Variants in MYOM3 observed in about 807,000 individuals in gnomAD.
MYOM3 encodes the protein myomesin-3.
MYOM3 carries 155 observed loss-of-function variants against 191.7 expected under a neutral mutation model. The observed-to-expected ratio is 0.81, with a 90% CI of 0.71 to 0.92. The LOEUF is 0.92. Among genes scored for constraint, MYOM3 ranks in the 40% least tolerant of loss-of-function variants. The pLI, the probability that MYOM3 is intolerant of heterozygous loss-of-function variation, is 0.00. For synonymous variants in MYOM3, 757 were observed against 762.9 expected (o/e 0.99, Z 0.13); for missense variants, 1,889 against 1,890.6 (o/e 1.00, Z 0.02).
intron 5 of MYOM3, among the ~76,000 whole-genome samples, chr1:24,105,622 G>A (rs535172924): frequency 1.3e-5 from 2 of 152,366 alleles, no homozygotes; most frequent in Admixed American, 1.3e-4. Flanking sequence ...AGCTGGGCGT[G>A]GTGGCTTGTG....
Position 24,063,720 on chromosome 1 carries a change from GA to G in MYOM3, c.3623-191del, listed in dbSNP as rs367859499. Among the ~76,000 whole-genome samples, 723 of 152,268 alleles carry G rather than the reference GA, an allele frequency of 4.7e-3. 6 individuals are homozygous for G. Among genetic ancestry groups the G allele is most frequent in the African/African-American group, 0.016 (646 of 41,540 alleles). ...AGGGCACTCAGCAATGGGGTGGGCA[GA>G]AGGGCACTATGGATGGAGGACAAAC... On this transcript the variant is annotated intron_variant, in intron 30 of 36. Coordinates refer to ENST00000374434, the MANE Select transcript of MYOM3 (RefSeq NM_152372.4). This position sits in a 1 kb window ranked among gnomAD's most constrained non-coding sequence, Gnocchi z 4.5.
intron 5 of MYOM3, among the ~76,000 whole-genome samples, chr1:24,099,984 T>A (rs1292470184): frequency 1.3e-5 from 2 of 152,154 alleles, no homozygotes; most frequent in Non-Finnish European, 2.9e-5. Context: ...TCTCCCTGCC[T>A]CAGCCTCCTG....
At chr1:24,065,644 C>G in intron 29 of MYOM3, 1 of 557,974 alleles carries the variant, frequency 1.8e-6, no homozygotes, top group Non-Finnish European at 3.2e-6. Flanking sequence ...AATACTGATT[C>G]TGTCTCTATT....
intron 27 of MYOM3, among the ~76,000 whole-genome samples, chr1:24,067,570 T>C (rs754686485): frequency 1.3e-5 from 2 of 151,730 alleles, no homozygotes; most frequent in African/African-American, 2.4e-5. Context: ...TCAAGGATTC[T>C]TGTGGCTCAG....
rs570646914 is a variant in MYOM3 at position 24,063,028 on chromosome 1, C to A, written c.3770+98G>T. On this transcript the variant is annotated intron_variant, in intron 32 of 36. Coordinates refer to ENST00000374434, the MANE Select transcript of MYOM3 (RefSeq NM_152372.4). This position sits in a 1 kb window ranked among gnomAD's most constrained non-coding sequence, Gnocchi z 4.5. ...TCTGCTTGGGGGACCAGAAACTCTG[C>A]TTGGAGGACCAGGCAGGGAGAAGGG... 80 of 774,876 alleles carry A rather than the reference C, an allele frequency of 1.0e-4. No individual in the cohort carries two copies. Among genetic ancestry groups the A allele is most frequent in the African/African-American group, 7.5e-4 (44 of 59,016 alleles). 48.0% of individuals were successfully genotyped at this position (774,876 alleles called of 1,614,324 possible).
intron 1 of MYOM3, among the ~76,000 whole-genome samples, chr1:24,109,448 A>ACAGG (rs1644021190): frequency 6.6e-6 from 1 of 152,214 alleles, no homozygotes; most frequent in Admixed American, 6.5e-5. Flanking sequence ...CAGAAAGACT[A>ACAGG]CAGGCCACCT....
chr1:24,060,985 A>G (rs1643362957), intron 35 of MYOM3, 75 bp downstream of exon 35: 1 of 1,572,546 alleles, frequency 6.4e-7, no homozygotes, highest in Non-Finnish European at 8.7e-7. Context: ...TCAGCAGCCC[A>G]CCAAGAGGGT....
intron 1 of MYOM3, among the ~76,000 whole-genome samples, chr1:24,109,820 T>C (rs1466469570): frequency 1.3e-5 from 2 of 152,228 alleles, no homozygotes; most frequent in African/African-American, 4.8e-5. Context: ...CTCTATGTCA[T>C]ATGTCCATTC....
chr1:24,061,344 G>T, intron 33 of MYOM3, 35 bp from the exon 34 acceptor site: 1 of 1,609,906 alleles, frequency 6.2e-7, no homozygotes, highest in South Asian at 1.1e-5. Context: ...GGGGCCATCA[G>T]GGCCTCTGCT....
rs186310602 is a variant in MYOM3, at chr1:24,089,360, T to C, written c.1614+178A>G. Among the ~76,000 whole-genome samples the C allele has an allele frequency of 4.4e-3, 666 of 152,308 alleles. 3 individuals are homozygous for C. The highest frequency in any genetic ancestry group is 0.015 in the African/African-American group (631 of 41,552). On this transcript the variant is annotated intron_variant, in intron 14 of 36. Transcript: ENST00000374434. Reference sequence around the variant, plus strand: ...AGTGACTGGCTTCCAGGGCTAGAGGTAGCTGCAAAAGGCTATTCAATCCAT... The same window carrying C: ...AGTGACTGGCTTCCAGGGCTAGAGGCAGCTGCAAAAGGCTATTCAATCCAT...
chr1:24,061,162 T>C, intron 34 of MYOM3, 80 bp from the exon 35 acceptor site: 2 of 1,608,420 alleles, frequency 1.2e-6, no homozygotes, highest in Non-Finnish European at 1.7e-6. Flanking sequence ...TGAGGGGTGA[T>C]GAAGGAAAGG....
intron 22 of MYOM3, 114 bp from the exon 23 acceptor site, chr1:24,074,383 C>G (rs1213782769): frequency 1.4e-6 from 1 of 709,412 alleles, no homozygotes; most frequent in African/African-American, 1.8e-5. Flanking sequence ...CCCAAGCAGA[C>G]CCTGGCCAAG....
At position 24,089,533 on chromosome 1, in the gene MYOM3, C is replaced by T; in HGVS notation, c.1614+5G>A. On this transcript the variant is annotated splice_donor_5th_base_variant and intron_variant, in intron 14 of 36. Transcript: ENST00000374434. Reference sequence around the variant, plus strand: ...GCCTGGGGCTGGGGCCTCGGGGTTCCCTACCTTCTCCAGGGAGTACGTCAG... The same window carrying T: ...GCCTGGGGCTGGGGCCTCGGGGTTCTCTACCTTCTCCAGGGAGTACGTCAG... 5 of 1,596,402 alleles carry T rather than the reference C, an allele frequency of 3.1e-6. No individual in the cohort carries two copies. Among genetic ancestry groups the T allele is most frequent in the Non-Finnish European group, 4.3e-6 (5 of 1,171,606 alleles).
chr1:24,090,127 A>T lies in MYOM3; in HGVS notation c.1433-9T>A. On this transcript the variant is annotated splice_polypyrimidine_tract_variant and intron_variant, in intron 12 of 36. Transcript: ENST00000374434. ...CAGATCAAAGGGGATCTCTAGGATGAGAAGGGAGCATGGGAGGGTGGGGGG... is the reference window on the plus strand; with the variant it reads ...CAGATCAAAGGGGATCTCTAGGATGTGAAGGGAGCATGGGAGGGTGGGGGG... 6.3e-7 allele frequency: 1 copy of T among 1,597,006 alleles called. No homozygotes were observed. Among genetic ancestry groups the T allele is most frequent in the Non-Finnish European group, 8.6e-7 (1 of 1,164,408 alleles).
intron 18 of MYOM3, 52 bp from the exon 19 acceptor site, chr1:24,081,508 G>C (rs374469494): frequency 6.3e-7 from 1 of 1,598,344 alleles, no homozygotes; most frequent in Non-Finnish European, 8.6e-7. Context: ...GAGGGATGGG[G>C]AACAGAAGCA....
rs376174019 is a variant in MYOM3 at position 24,076,154 on chromosome 1, C to T, written c.2701+5G>A. The T allele has an allele frequency of 3.7e-6, 6 of 1,612,638 alleles. No homozygotes were observed. Among genetic ancestry groups the T allele is most frequent in the Non-Finnish European group, 5.1e-6 (6 of 1,178,620 alleles). ...CAGAGCTCTGGCCTCTCCGGCCACC[C>T]CTACCTGGCTTGTCCTCCAGGAGCA... is the stretch of plus-strand genomic sequence containing the variant. On this transcript the variant is annotated splice_donor_5th_base_variant and intron_variant, in intron 21 of 36. Transcript: ENST00000374434.
intron 10 of MYOM3, 98 bp downstream of exon 10, chr1:24,092,849 A>C: frequency 3.2e-6 from 4 of 1,235,914 alleles, no homozygotes; most frequent in Non-Finnish European, 4.3e-6. Context: ...TGAGGCCCCA[A>C]GAGAGCAGGG....
Position 24,089,662 on chromosome 1 carries a change from G to T in MYOM3, c.1490C>A (p.Thr497Asn), listed in dbSNP as rs754423265. Residue 497 changes from threonine to asparagine, a missense_variant, in exon 14 of 37, where the codon ACT (threonine) becomes AAT (asparagine). Thr to Asn is a moderately conservative substitution (Grantham distance 65, BLOSUM62 0). Coordinates refer to ENST00000374434, the MANE Select transcript of MYOM3 (RefSeq NM_152372.4). ...ITISTDAFED[T>N]VTIPSPPTNV... ...GGTTGGCGGTGAGGGGATGGTCACA[G>T]TATCTGAAATCAGAGTCACCCGGGA... 7 of 1,580,646 alleles carry T rather than the reference G, an allele frequency of 4.4e-6. No homozygotes were observed. In the South Asian group the frequency reaches 8.1e-5, roughly 18 times the overall value.
chr1:24,059,289 C>T (rs1259954073), intron 35 of MYOM3, among the ~76,000 whole-genome samples: 1 of 152,160 alleles, frequency 6.6e-6, no homozygotes, highest in Admixed American at 6.5e-5. Flanking sequence ...CATGCATCAG[C>T]CCGCCTAGCT....
Sources: allele counts gnomAD v4.1 joint callset (sites outside exome capture counted in the v4.1 genomes callset), GRCh38; gene constraint gnomAD v4.1.1; non-coding constraint Gnocchi (gnomAD v3.1); transcripts MANE v1.5; gene names NCBI Gene and HGNC (gene_info 2026-07-23, HGNC 2026-07-21).